The following BNC2 variants were observed in gnomAD, a reference collection of about 807,000 sequenced individuals.
The protein encoded by BNC2 is basonuclin zinc finger protein 2.
Under a neutral mutation model 76.3 loss-of-function variants are expected in BNC2, and 20 were observed. That is an observed-to-expected ratio of 0.26 (90% CI 0.18 to 0.38). The LOEUF (loss-of-function observed/expected upper bound fraction) is 0.38. Ranked by LOEUF, BNC2 falls within the 10% of genes least tolerant of loss-of-function variation. The probability of loss-of-function intolerance (pLI) is 1.00; values close to 1 mark genes in which losing one functional copy is unlikely to be tolerated. For missense variants in BNC2, 1,382 were observed against 1,399.8 expected (o/e 0.99, Z 0.20); for synonymous variants, 582 against 514.8 (o/e 1.13, Z -1.77).
chr9:16,758,892 A>T (rs1033758017), intron 1 of BNC2, among the ~76,000 whole-genome samples: 2 of 139,356 alleles, frequency 1.4e-5, no homozygotes, highest in Non-Finnish European at 3.1e-5. Context: ...ATACTCACAG[A>T]TGTAAAATTA....
At chr9:16,796,286 A>G (rs1415349360) in intron 1 of BNC2, among the ~76,000 whole-genome samples, 2 of 152,266 alleles carry the variant, frequency 1.3e-5, no homozygotes, top group Non-Finnish European at 1.5e-5. Context: ...CCATATAATT[A>G]AAAATTTCAC....
At chr9:16,675,748 G>T (rs989052740) in intron 3 of BNC2, among the ~76,000 whole-genome samples, 1 of 152,100 alleles carries the variant, frequency 6.6e-6, no homozygotes, top group African/African-American at 2.4e-5. Flanking sequence ...AATCTGTAAA[G>T]ATATTAGGTT....
intron 3 of BNC2, among the ~76,000 whole-genome samples, chr9:16,680,072 A>C (rs1822777374): frequency 6.6e-6 from 1 of 152,210 alleles, no homozygotes; most frequent in African/African-American, 2.4e-5. Flanking sequence ...GTTTGAAATC[A>C]CTGTCCTCAT....
intron 1 of BNC2, among the ~76,000 whole-genome samples, chr9:16,800,022 C>T (rs533949705): frequency 6.6e-6 from 1 of 152,004 alleles, no homozygotes; most frequent in Non-Finnish European, 1.5e-5. Flanking sequence ...ATCAGGAGTT[C>T]GAGACCAGCC....
intron 5 of BNC2, among the ~76,000 whole-genome samples, chr9:16,449,199 C>G (rs898250316): frequency 1.3e-5 from 2 of 152,186 alleles, no homozygotes; most frequent in African/African-American, 4.8e-5. Flanking sequence ...CTTGTCCCAG[C>G]AGTCCTGACT....
At chr9:16,717,203 G>A (rs954533225) in intron 3 of BNC2, among the ~76,000 whole-genome samples, 1 of 151,958 alleles carries the variant, frequency 6.6e-6, no homozygotes, top group Non-Finnish European at 1.5e-5. Flanking sequence ...CATTTCTTAC[G>A]ATGCATCTGA....
chr9:16,829,505 T>C (rs1484184075), intron 1 of BNC2, among the ~76,000 whole-genome samples: 1 of 152,168 alleles, frequency 6.6e-6, no homozygotes, highest in Admixed American at 6.6e-5. Context: ...ACCCAAAACA[T>C]TTTTTAAAAA....
chr9:16,614,637 G>A (rs998948443), intron 3 of BNC2, among the ~76,000 whole-genome samples: 4 of 118,564 alleles, frequency 3.4e-5, no homozygotes, highest in Admixed American at 1.0e-4. Context: ...TGATATGGAA[G>A]AGCTACATGC....
chr9:16,618,849 C>A (rs989259872), intron 3 of BNC2, among the ~76,000 whole-genome samples: 2 of 152,106 alleles, frequency 1.3e-5, no homozygotes, highest in African/African-American at 4.8e-5. Context: ...CTCAAACAGT[C>A]CTGAAGCTCT....
At chr9:16,809,046 A>C (rs1252463129) in intron 1 of BNC2, among the ~76,000 whole-genome samples, 1 of 152,152 alleles carries the variant, frequency 6.6e-6, no homozygotes, top group Non-Finnish European at 1.5e-5. Context: ...AACCAGGCAC[A>C]ACACTGGTTC....
At chr9:16,454,789 A>G (rs1309090523) in intron 5 of BNC2, among the ~76,000 whole-genome samples, 1 of 152,228 alleles carries the variant, frequency 6.6e-6, no homozygotes, top group Non-Finnish European at 1.5e-5. Context: ...TTGCAAATGT[A>G]GATATCCAGA....
chr9:16,659,476 T>C (rs1004835552), intron 3 of BNC2, among the ~76,000 whole-genome samples: 10 of 151,930 alleles, frequency 6.6e-5, no homozygotes, highest in Admixed American at 1.3e-4. Context: ...TGTGTGGTGG[T>C]GCATGCCTGT....
At chr9:16,725,185 TCA>T (rs1260423599) in intron 3 of BNC2, among the ~76,000 whole-genome samples, 1 of 147,946 alleles carries the variant, frequency 6.8e-6, no homozygotes, top group Non-Finnish European at 1.5e-5. Flanking sequence ...TCAAGAGATA[TCA>T]GAGATATAAT....
At chr9:16,800,221 T>C (rs1301197407) in intron 1 of BNC2, among the ~76,000 whole-genome samples, 4 of 73,018 alleles carry the variant, frequency 5.5e-5, no homozygotes, top group Non-Finnish European at 8.3e-5. Flanking sequence ...CAAGACTCCA[T>C]CTCAAAAAAA....
At chr9:16,732,878 T>C (rs1319098489) in intron 2 of BNC2, among the ~76,000 whole-genome samples, 1 of 152,192 alleles carries the variant, frequency 6.6e-6, no homozygotes, top group Non-Finnish European at 1.5e-5. Context: ...ATTTATTTTA[T>C]AGAAAAAAAT....
At chr9:16,420,588 C>T (rs1251938487) in intron 6 of BNC2, among the ~76,000 whole-genome samples, 1 of 151,994 alleles carries the variant, frequency 6.6e-6, no homozygotes, top group Non-Finnish European at 1.5e-5. Flanking sequence ...ACATAGGGTT[C>T]CTTTACTTTA....
intron 5 of BNC2, among the ~76,000 whole-genome samples, chr9:16,459,032 C>T (rs779779845): frequency 1.3e-5 from 2 of 152,148 alleles, no homozygotes; most frequent in South Asian, 2.1e-4. Context: ...AGTACAGAAA[C>T]CCTACAGTCT....
intron 1 of BNC2, among the ~76,000 whole-genome samples, chr9:16,791,038 T>C (rs980364887): frequency 7.9e-5 from 12 of 152,038 alleles, no homozygotes; most frequent in Non-Finnish European, 1.5e-5. Context: ...GAAGTGCTAG[T>C]GTATGGGATT....
At chr9:16,837,713 G>A (rs1022660793) in intron 1 of BNC2, among the ~76,000 whole-genome samples, 7 of 152,100 alleles carry the variant, frequency 4.6e-5, no homozygotes, top group Non-Finnish European at 7.4e-5. Context: ...AGGTATATAA[G>A]ACAGGTATTC....
Sources: gnomAD v4.1 joint callset for allele counts (sites outside exome capture counted in the v4.1 genomes callset) on GRCh38, gnomAD v4.1.1 for gene constraint, MANE v1.5 for transcripts, NCBI Gene and HGNC (gene_info 2026-07-23, HGNC 2026-07-21) for gene names.